Variants in NPAS3 observed in about 807,000 individuals in gnomAD.
NPAS3 encodes the protein neuronal PAS domain protein 3, also known as neuronal PAS domain-containing protein 3.
Under a neutral mutation model 73.1 loss-of-function variants are expected in NPAS3, and 14 were observed. That is an observed-to-expected ratio of 0.19 (90% confidence interval 0.13 to 0.30). The LOEUF (loss-of-function observed/expected upper bound fraction) is 0.30, where lower values mean the gene tolerates loss of function less well. NPAS3 is among the 10% of genes least tolerant of loss of function. NPAS3 has a pLI of 1.00. For missense variants in NPAS3, 1,096 were observed against 1,250.0 expected (o/e 0.88, Z 1.86); for synonymous variants, 620 against 541.5 (o/e 1.14, Z -2.01).
At chr14:33,665,753 C>A (rs2059434306) in intron 5 of NPAS3, among the ~76,000 whole-genome samples, 1 of 152,106 alleles carries the variant, frequency 6.6e-6, no homozygotes, top group South Asian at 2.1e-4. Flanking sequence ...AATTAAACCT[C>A]AGAAAAAATA....
intron 5 of NPAS3, among the ~76,000 whole-genome samples, chr14:33,599,189 C>T (rs2139989060): frequency 6.6e-6 from 1 of 152,226 alleles, no homozygotes; most frequent in African/African-American, 2.4e-5. Context: ...TTTATTTGCT[C>T]CCCAACCTGT....
chr14:33,498,334 A>G (rs2052317256), intron 4 of NPAS3, among the ~76,000 whole-genome samples: 1 of 152,196 alleles, frequency 6.6e-6, no homozygotes, highest in Non-Finnish European at 1.5e-5. Flanking sequence ...CAGCAATCCC[A>G]TTACTGGGTA....
chr14:33,372,623 T>G (rs1187644622), intron 4 of NPAS3, among the ~76,000 whole-genome samples: 3 of 152,176 alleles, frequency 2.0e-5, no homozygotes. Context: ...TATAACTATT[T>G]CAGGCATGAA....
chr14:33,655,281 A>G (rs2059112068), intron 5 of NPAS3, among the ~76,000 whole-genome samples: 1 of 151,970 alleles, frequency 6.6e-6, no homozygotes, highest in Non-Finnish European at 1.5e-5. Flanking sequence ...CAAGCTGACA[A>G]AAGTATTAAA....
chr14:33,037,371 A>G (rs2040202730), intron 1 of NPAS3, among the ~76,000 whole-genome samples: 1 of 151,768 alleles, frequency 6.6e-6, no homozygotes, highest in African/African-American at 2.4e-5. Context: ...TTGGCTGAGC[A>G]TGGTGGCTCA....
chr14:33,631,916 T>A (rs1353967699), intron 5 of NPAS3, among the ~76,000 whole-genome samples: 1 of 152,184 alleles, frequency 6.6e-6, no homozygotes, highest in Non-Finnish European at 1.5e-5. Context: ...ATTGCATCCT[T>A]CATTTGCATG....
intron 4 of NPAS3, among the ~76,000 whole-genome samples, chr14:33,478,562 G>A (rs1301422723): frequency 6.6e-6 from 1 of 152,078 alleles, no homozygotes; most frequent in African/African-American, 2.4e-5. Context: ...GACAGATGAA[G>A]TAAAATTTGA....
intron 1 of NPAS3, among the ~76,000 whole-genome samples, chr14:32,965,451 C>A (rs1267843604): frequency 6.6e-6 from 1 of 151,990 alleles, no homozygotes; most frequent in African/African-American, 2.4e-5. Flanking sequence ...GAATGAAGGC[C>A]AAAAACCATC....
intron 2 of NPAS3, among the ~76,000 whole-genome samples, chr14:33,063,821 A>C (rs1006177806): frequency 6.6e-6 from 1 of 152,228 alleles, no homozygotes; most frequent in African/African-American, 2.4e-5. Flanking sequence ...GTAAACATAC[A>C]CTAAATGAGT....
chr14:33,547,575 C>T (rs1021746656), intron 4 of NPAS3, among the ~76,000 whole-genome samples: 1 of 152,310 alleles, frequency 6.6e-6, no homozygotes. Flanking sequence ...GCTCTCCCTG[C>T]AGCCATCAGC....
At chr14:33,070,308 T>C (rs973391235) in intron 2 of NPAS3, among the ~76,000 whole-genome samples, 4 of 152,316 alleles carry the variant, frequency 2.6e-5, no homozygotes, top group South Asian at 2.1e-4. Context: ...TTGTTGTTTT[T>C]TTCATCCCTC....
chr14:33,396,202 TCTCAG>T (rs2047215766), intron 4 of NPAS3, among the ~76,000 whole-genome samples: 1 of 152,150 alleles, frequency 6.6e-6, no homozygotes, highest in Non-Finnish European at 1.5e-5. Flanking sequence ...GAAGGCTGAG[TCTCAG>T]CTCATTTGAG....
chr14:33,765,721 C>G (rs1393147543), intron 7 of NPAS3, among the ~76,000 whole-genome samples: 1 of 152,174 alleles, frequency 6.6e-6, no homozygotes, highest in Admixed American at 6.5e-5. Context: ...AGAAGGCAGT[C>G]TGTGATGTGC....
At chr14:33,307,498 T>C (rs1056388683) in intron 3 of NPAS3, among the ~76,000 whole-genome samples, 2 of 152,006 alleles carry the variant, frequency 1.3e-5, no homozygotes, top group African/African-American at 4.8e-5. Flanking sequence ...AGCAAATGCA[T>C]GCTACAGAAA....
chr14:33,010,782 A>ATAAT (rs1181124808), intron 1 of NPAS3, among the ~76,000 whole-genome samples: 1 of 151,924 alleles, frequency 6.6e-6, no homozygotes, highest in Non-Finnish European at 1.5e-5. Flanking sequence ...AAATAAATAA[A>ATAAT]TAAATAACTG....
intron 6 of NPAS3, among the ~76,000 whole-genome samples, chr14:33,697,715 A>T (rs142500425): frequency 6.6e-6 from 1 of 152,326 alleles, no homozygotes; most frequent in African/African-American, 2.4e-5. Context: ...AAGCTTCCTA[A>T]AGAATTATAC....
chr14:33,294,530 A>G (rs967672010), intron 3 of NPAS3, among the ~76,000 whole-genome samples: 1 of 152,176 alleles, frequency 6.6e-6, no homozygotes, highest in African/African-American at 2.4e-5. Flanking sequence ...GCATTGTTGA[A>G]TAAGTCTCTT....
At chr14:33,180,580 A>G (rs1318102451) in intron 2 of NPAS3, among the ~76,000 whole-genome samples, 1 of 152,028 alleles carries the variant, frequency 6.6e-6, no homozygotes, top group Non-Finnish European at 1.5e-5. Flanking sequence ...CAGGCGGATC[A>G]TGAGGTCAGG....
intron 4 of NPAS3, among the ~76,000 whole-genome samples, chr14:33,533,534 G>C (rs2054130379): frequency 6.6e-6 from 1 of 152,222 alleles, no homozygotes. Flanking sequence ...GCATAGTTCT[G>C]ATATTGAAAA....
Sources: gnomAD v4.1 joint callset for allele counts (sites outside exome capture counted in the v4.1 genomes callset) on GRCh38, gnomAD v4.1.1 for gene constraint, MANE v1.5 for transcripts, NCBI Gene and HGNC (gene_info 2026-07-23, HGNC 2026-07-21) for gene names.